Variants in PARP8 observed in about 807,000 individuals in gnomAD.
The protein encoded by PARP8 is poly(ADP-ribose) polymerase family member 8.
A neutral mutation model predicts 124.1 loss-of-function variants in PARP8; 51 were observed. The observed-to-expected ratio is 0.41, with a 90% confidence interval of 0.33 to 0.52. PARP8 has a LOEUF of 0.52. Among genes scored for constraint, PARP8 ranks in the 20% least tolerant of loss-of-function variants. The pLI, the probability that PARP8 is intolerant of heterozygous loss-of-function variation, is 0.21. For synonymous variants in PARP8, 391 were observed against 361.5 expected (o/e 1.08, Z -0.93); for missense variants, 860 against 1,018.9 (o/e 0.84, Z 2.12).
intron 7 of PARP8, among the ~76,000 whole-genome samples, chr5:50,763,676 G>A (rs1760781576): frequency 6.6e-6 from 1 of 150,970 alleles, no homozygotes. Context: ...TTGTTTGAAT[G>A]ATCATGTATT....
chr5:50,824,876 A>G (rs746406894), intron 17 of PARP8, 32 bp from the exon 18 acceptor site: 18 of 1,575,730 alleles, frequency 1.1e-5, no homozygotes, highest in Non-Finnish European at 1.6e-5. Flanking sequence ...AATTTTTATG[A>G]AAAATCAAGA....
intron 14 of PARP8, among the ~76,000 whole-genome samples, chr5:50,798,263 C>A (rs748909982): frequency 6.6e-5 from 10 of 152,148 alleles, no homozygotes; most frequent in African/African-American, 9.7e-5. Flanking sequence ...TGAGGAACAG[C>A]CAAACCTGTT....
intron 3 of PARP8, among the ~76,000 whole-genome samples, chr5:50,751,712 G>A (rs1437156130): frequency 1.3e-5 from 2 of 152,124 alleles, no homozygotes. Context: ...GAGATGGTAA[G>A]TATTAAATAA....
intron 2 of PARP8, among the ~76,000 whole-genome samples, chr5:50,749,621 G>A (rs1372998805): frequency 3.9e-5 from 6 of 152,002 alleles, no homozygotes; most frequent in South Asian, 2.1e-4. Flanking sequence ...TTATATATAC[G>A]TGTGTGTGCG....
At chr5:50,830,070 T>A (rs1348362869) in intron 22 of PARP8, 109 bp downstream of exon 22, 3 of 1,228,014 alleles carry the variant, frequency 2.4e-6, no homozygotes, top group African/African-American at 3.1e-5. Flanking sequence ...ATATTTTTAT[T>A]AAATTTGTTT....
chr5:50,758,557 A>G (rs1298247088), intron 3 of PARP8, among the ~76,000 whole-genome samples: 1 of 152,218 alleles, frequency 6.6e-6, no homozygotes, highest in Non-Finnish European at 1.5e-5. Flanking sequence ...GGGCTCAAAA[A>G]TATCTTTTAA....
chr5:50,775,020 C>T (rs1173323872), intron 7 of PARP8, among the ~76,000 whole-genome samples: 1 of 148,018 alleles, frequency 6.8e-6, no homozygotes, highest in Non-Finnish European at 1.5e-5. Context: ...CAGAGACGCT[C>T]CTCACTTCCT....
At chr5:50,743,404 A>G (rs1401877790) in intron 2 of PARP8, among the ~76,000 whole-genome samples, 1 of 152,162 alleles carries the variant, frequency 6.6e-6, no homozygotes, top group African/African-American at 2.4e-5. Flanking sequence ...ATGGCATTAA[A>G]GTAGCAAAGG....
intron 2 of PARP8, among the ~76,000 whole-genome samples, chr5:50,714,669 G>A (rs980411649): frequency 6.6e-6 from 1 of 152,096 alleles, no homozygotes; most frequent in Admixed American, 6.6e-5. Context: ...AAGCTGTGGG[G>A]TGCCCACAGG....
intron 17 of PARP8, among the ~76,000 whole-genome samples, chr5:50,824,612 G>A (rs1170161947): frequency 6.6e-6 from 1 of 152,172 alleles, no homozygotes; most frequent in Non-Finnish European, 1.5e-5. Flanking sequence ...AAACTCAACA[G>A]GGGGCTGGAG....
Position 50,822,335 on chromosome 5 carries a change from A to G in PARP8, c.1795A>G (p.Lys599Glu). The G allele has an allele frequency of 6.2e-7, 1 of 1,608,246 alleles. No individual in the cohort carries two copies. Among genetic ancestry groups the G allele is most frequent in the South Asian group, 1.1e-5 (1 of 90,834 alleles). Residue 599 changes from lysine (K) to glutamate (E), a missense_variant and splice_region_variant, in exon 17 of 26, where the codon AAA becomes GAA. Physicochemically the swap from Lys to Glu is moderately conservative, Grantham distance 56. Coordinates refer to ENST00000281631, the MANE Select transcript of PARP8 (RefSeq NM_024615.4). The stretch of plus-strand genomic sequence containing the variant: ...TTAACATCACTTTTTCATTAAACAG[A>G]AAAAGAACTATGATCGAGTAATGAA... ...DPQMLAFNPR[K>E]KNYDRVMKAL...
At chr5:50,673,855 T>G (rs1303037756) in intron 2 of PARP8, among the ~76,000 whole-genome samples, 1 of 152,228 alleles carries the variant, frequency 6.6e-6, no homozygotes, top group African/African-American at 2.4e-5. Flanking sequence ...GCAGCATTTT[T>G]AAAAAGACAT....
intron 2 of PARP8, among the ~76,000 whole-genome samples, chr5:50,715,301 C>T (rs962735995): frequency 3.9e-5 from 6 of 152,052 alleles, no homozygotes; most frequent in Non-Finnish European, 8.8e-5. Context: ...AAATGCTCCT[C>T]CACACTCTGT....
At chr5:50,735,035 G>T (rs754095924) in intron 2 of PARP8, among the ~76,000 whole-genome samples, 1 of 151,880 alleles carries the variant, frequency 6.6e-6, no homozygotes, top group Non-Finnish European at 1.5e-5. Context: ...TTCATCATGC[G>T]CAATGTAGGG....
intron 2 of PARP8, among the ~76,000 whole-genome samples, chr5:50,696,346 TCCCAAGTTTTGAATTAAATTTGGCCA>T (rs1753024225): frequency 6.6e-6 from 1 of 152,194 alleles, no homozygotes; most frequent in Non-Finnish European, 1.5e-5. Context: ...TGAAAAATTG[TCCCAAGTTTTGAATTAAATTTGGCCA>T]CCCAAGGTAC....
intron 2 of PARP8, among the ~76,000 whole-genome samples, chr5:50,673,209 G>T (rs1750235693): frequency 6.6e-6 from 1 of 152,138 alleles, no homozygotes; most frequent in Admixed American, 6.5e-5. Flanking sequence ...GAGTTAGTGA[G>T]AATCTGGGTC....
intron 2 of PARP8, among the ~76,000 whole-genome samples, chr5:50,732,493 G>A (rs891270655): frequency 6.6e-6 from 1 of 152,092 alleles, no homozygotes; most frequent in African/African-American, 2.4e-5. Flanking sequence ...ACTAATTAAA[G>A]CACTTCTTTG....
chr5:50,734,698 T>C lies in PARP8; in HGVS notation c.147-15453T>C, dbSNP rs187017619. ...TCAAATAAATATTTAGTGCTCTCTC[T>C]TGCTGTCTGCTTTTCCCCCAAGTCT... On this transcript the variant is annotated intron_variant, in intron 2 of 25. Transcript: ENST00000281631. 3.6e-3 allele frequency among the ~76,000 whole-genome samples: 548 copies of C among 152,292 alleles called. 4 individuals carry two copies. Among genetic ancestry groups the C allele is most frequent in the Admixed American group, 4.4e-3 (67 of 15,290 alleles).
At position 50,844,126 on chromosome 5, in the gene PARP8, G is replaced by A. The variant is rs1272879415; in HGVS notation, c.*2058G>A. 6.6e-6 allele frequency: 1 copy of A among 151,824 alleles called. No individual in the cohort carries two copies. The highest frequency in any genetic ancestry group is 1.5e-5 in the Non-Finnish European group (1 of 67,842). 9.4% of individuals were successfully genotyped at this position (151,824 alleles called of 1,614,324 possible). On this transcript the variant is annotated 3_prime_UTR_variant, in exon 26 of 26. Coordinates refer to ENST00000281631, the MANE Select transcript of PARP8 (RefSeq NM_024615.4). The stretch of plus-strand genomic sequence containing the variant: ...AAGAAAGACCGTTTAAGGAAAATTG[G>A]CATAATACAAACTGTTCCTGTTGAC...
Sources: gnomAD v4.1 joint callset for allele counts (sites outside exome capture counted in the v4.1 genomes callset) on GRCh38, gnomAD v4.1.1 for gene constraint, MANE v1.5 for transcripts, NCBI Gene and HGNC (gene_info 2026-07-23, HGNC 2026-07-21) for gene names.